The following CHCHD3 variants were observed in gnomAD, a reference collection of about 807,000 sequenced individuals.
The protein encoded by CHCHD3 is coiled-coil-helix-coiled-coil-helix domain containing 3.
Under a neutral mutation model 38.2 loss-of-function variants are expected in CHCHD3, and 20 were observed. The observed-to-expected ratio is 0.52, with a 90% confidence interval of 0.37 to 0.76. The LOEUF is 0.76. Ranked by LOEUF, CHCHD3 falls within the 30% of genes least tolerant of loss-of-function variation. CHCHD3 has a pLI of 0.00. For missense variants in CHCHD3, 245 were observed against 279.2 expected, an observed-to-expected ratio of 0.88 and a Z score of 0.87; for synonymous variants, 82 against 100.0, an observed-to-expected ratio of 0.82 and a Z score of 1.07.
intron 2 of CHCHD3, among the ~76,000 whole-genome samples, chr7:133,050,607 T>A (rs993351263): frequency 2.4e-4 from 37 of 152,164 alleles, no homozygotes; most frequent in African/African-American, 8.5e-4. Flanking sequence ...TCCTTTTTAT[T>A]TATGAACATA....
At chr7:132,956,360 A>G (rs999048410) in intron 4 of CHCHD3, among the ~76,000 whole-genome samples, 2 of 152,238 alleles carry the variant, frequency 1.3e-5, no homozygotes, top group Non-Finnish European at 2.9e-5. Flanking sequence ...ATAGACCACA[A>G]TGCCTAGCAT....
intron 2 of CHCHD3, among the ~76,000 whole-genome samples, chr7:133,061,774 A>C (rs1263804589): frequency 6.6e-6 from 1 of 152,228 alleles, no homozygotes; most frequent in African/African-American, 2.4e-5. Flanking sequence ...ATTCAGGGGA[A>C]GCAGGGCATA....
intron 6 of CHCHD3, among the ~76,000 whole-genome samples, chr7:132,796,984 G>A (rs1368775903): frequency 6.6e-6 from 1 of 152,106 alleles, no homozygotes; most frequent in Non-Finnish European, 1.5e-5. Context: ...GCTTCCAAGT[G>A]AGCCACATCC....
intron 6 of CHCHD3, chr7:132,815,547 G>A (rs1170596869): frequency 3.1e-5 from 14 of 456,070 alleles, no homozygotes; most frequent in Admixed American, 1.6e-4. Context: ...GAGAAGTAAC[G>A]AGTTCTCCTA....
chr7:133,057,459 G>A (rs1472260186), intron 2 of CHCHD3, among the ~76,000 whole-genome samples: 1 of 152,076 alleles, frequency 6.6e-6, no homozygotes, highest in African/African-American at 2.4e-5. Flanking sequence ...TACTCAGGAG[G>A]CTGAGATAGG....
chr7:133,009,505 G>A (rs531665996), intron 3 of CHCHD3, among the ~76,000 whole-genome samples: 11 of 150,748 alleles, frequency 7.3e-5, no homozygotes, highest in Admixed American at 6.0e-4. Context: ...AGGGGGGCAC[G>A]AGGAGAGAAG....
chr7:132,895,226 A>G (rs1809464187), intron 4 of CHCHD3, among the ~76,000 whole-genome samples: 1 of 152,230 alleles, frequency 6.6e-6, no homozygotes, highest in Admixed American at 6.5e-5. Flanking sequence ...CTCAGAATTG[A>G]TCCCTAAAAA....
chr7:132,993,013 T>C (rs1812323847), intron 3 of CHCHD3, among the ~76,000 whole-genome samples: 1 of 152,312 alleles, frequency 6.6e-6, no homozygotes, highest in South Asian at 2.1e-4. Flanking sequence ...CTTTTAGGTG[T>C]CATTCCATCT....
chr7:132,985,161 T>C (rs113855663), intron 3 of CHCHD3, among the ~76,000 whole-genome samples: 134 of 28,594 alleles, frequency 4.7e-3, no homozygotes, highest in South Asian at 9.0e-3. Context: ...AAGTGAGGAG[T>C]CCCTCTGCCC....
At chr7:132,850,438 G>GTTT (rs55705092) in intron 5 of CHCHD3, among the ~76,000 whole-genome samples, 17 of 141,808 alleles carry the variant, frequency 1.2e-4, no homozygotes, top group African/African-American at 4.2e-4. Flanking sequence ...AGAGTCTCAG[G>GTTT]TTTTTTTTTT....
chr7:133,073,255 C>T (rs993865953), intron 1 of CHCHD3, among the ~76,000 whole-genome samples: 1 of 152,084 alleles, frequency 6.6e-6, no homozygotes, highest in Admixed American at 6.5e-5. Flanking sequence ...ATCTCTTTTG[C>T]AGCTTCCCCT....
At chr7:133,073,460 C>T (rs1814886957) in intron 1 of CHCHD3, among the ~76,000 whole-genome samples, 1 of 152,176 alleles carries the variant, frequency 6.6e-6, no homozygotes. Flanking sequence ...GAACACCTTC[C>T]TTCTGGCAAA....
At chr7:132,818,071 C>T (rs1461442663) in intron 6 of CHCHD3, among the ~76,000 whole-genome samples, 5 of 152,116 alleles carry the variant, frequency 3.3e-5, no homozygotes, top group East Asian at 1.9e-4. Flanking sequence ...GATGCTGAAC[C>T]TAATTACCAT....
At chr7:133,066,929 C>A (rs964212220) in intron 2 of CHCHD3, among the ~76,000 whole-genome samples, 1 of 152,212 alleles carries the variant, frequency 6.6e-6, no homozygotes, top group Non-Finnish European at 1.5e-5. Flanking sequence ...GTTTCTATCA[C>A]GTCCTTTCTA....
At chr7:132,871,550 G>A (rs1010122923) in intron 5 of CHCHD3, among the ~76,000 whole-genome samples, 10 of 152,140 alleles carry the variant, frequency 6.6e-5, no homozygotes, top group African/African-American at 2.2e-4. Context: ...TTCTCAACAC[G>A]TGGACTGCTT....
chr7:132,853,532 G>C (rs1808269124), intron 5 of CHCHD3, among the ~76,000 whole-genome samples: 2 of 152,142 alleles, frequency 1.3e-5, no homozygotes, highest in African/African-American at 2.4e-5. Flanking sequence ...TGAGGCTGGA[G>C]AATCACTTGG....
At chr7:133,006,474 A>AATAAATAT (rs1812703156) in intron 3 of CHCHD3, among the ~76,000 whole-genome samples, 1 of 130,608 alleles carries the variant, frequency 7.7e-6, no homozygotes, top group South Asian at 2.5e-4. Flanking sequence ...CTCATAAATA[A>AATAAATAT]ATAAATAAAT....
chr7:132,941,374 G>A (rs1810762879), intron 4 of CHCHD3, among the ~76,000 whole-genome samples: 1 of 152,036 alleles, frequency 6.6e-6, no homozygotes, highest in Non-Finnish European at 1.5e-5. Flanking sequence ...TGACACTGAG[G>A]TGCTCCCTAC....
intron 5 of CHCHD3, among the ~76,000 whole-genome samples, chr7:132,883,700 C>G (rs908725997): frequency 1.3e-5 from 2 of 152,272 alleles, no homozygotes; most frequent in East Asian, 1.9e-4. Flanking sequence ...GGGAGCTGCA[C>G]AGAAACCAAA....
Sources: gnomAD v4.1 joint callset for allele counts (sites outside exome capture counted in the v4.1 genomes callset) on GRCh38, gnomAD v4.1.1 for gene constraint, MANE v1.5 for transcripts, NCBI Gene and HGNC (gene_info 2026-07-23, HGNC 2026-07-21) for gene names.